NOTCH2: variants seen among roughly 807,000 people sequenced by gnomAD.
NOTCH2 encodes notch receptor 2, also known as neurogenic locus notch homolog protein 2.
NOTCH2 carries 29 observed loss-of-function variants against 235.8 expected under a neutral mutation model. The ratio of observed to expected loss-of-function variants is 0.12; its 90% CI spans 0.09 to 0.17. The LOEUF (loss-of-function observed/expected upper bound fraction) is 0.17. NOTCH2 is among the 10% of genes least tolerant of loss of function. The probability of loss-of-function intolerance (pLI) is 1.00; values close to 1 mark genes in which losing one functional copy is unlikely to be tolerated. For synonymous variants in NOTCH2, 1,086 were observed against 1,141.5 expected (o/e 0.95, Z 0.98); for missense variants, 2,285 against 3,150.2 (o/e 0.73, Z 6.57).
rs1409506128 is a variant in NOTCH2, at chr1:119,922,730, T to C, written c.4908A>G (p.Ser1636=). Residue 1636 remains serine (S), a synonymous_variant, in exon 27 of 34, where the codon TCA becomes TCG. Coordinates refer to ENST00000256646, the MANE Select transcript of NOTCH2 (RefSeq NM_024408.4). ...CATCCGTGTTCTTGAAGCAGTGGTC[T>C]GAGTCTTGAACACACTGGCGGTTGT... ...EIDNRQCVQD[S]DHCFKNTDAA... 2 of 1,614,094 alleles carry C rather than the reference T, an allele frequency of 1.2e-6. No homozygotes were observed. The highest frequency in any genetic ancestry group is 2.7e-5 in the African/African-American group (2 of 74,932).
At chr1:119,941,411 G>A in intron 18 of NOTCH2, 115 bp downstream of exon 18, 2 of 748,456 alleles carry the variant, frequency 2.7e-6, no homozygotes, top group Non-Finnish European at 4.8e-6. Flanking sequence ...TGTGGACTGG[G>A]ATCCATGTGG....
At chr1:120,007,103 G>A (rs1327924032) in intron 2 of NOTCH2, among the ~76,000 whole-genome samples, 3 of 152,126 alleles carry the variant, frequency 2.0e-5, no homozygotes, top group Non-Finnish European at 4.4e-5. Context: ...GCAAGGAGCG[G>A]CTAAGGCTCT....
chr1:119,936,819 G>A (rs587755539), intron 21 of NOTCH2, among the ~76,000 whole-genome samples: 5 of 152,066 alleles, frequency 3.3e-5, no homozygotes, highest in African/African-American at 7.2e-5. Context: ...TACATGTAAC[G>A]TTTAGCATGA....
chr1:120,008,882 C>A (rs1653075593), intron 2 of NOTCH2, among the ~76,000 whole-genome samples: 1 of 151,964 alleles, frequency 6.6e-6, no homozygotes, highest in South Asian at 2.1e-4. Flanking sequence ...AACAAAATTA[C>A]TAAGTAAAAG....
At chr1:119,958,115 T>C (rs1023431167) in intron 12 of NOTCH2, among the ~76,000 whole-genome samples, 1 of 152,236 alleles carries the variant, frequency 6.6e-6, no homozygotes, top group African/African-American at 2.4e-5. Context: ...TATTACCCAC[T>C]TATCAACAAT....
chr1:119,999,321 T>C (rs1652617125), intron 3 of NOTCH2, among the ~76,000 whole-genome samples: 1 of 147,194 alleles, frequency 6.8e-6, no homozygotes, highest in South Asian at 2.2e-4. Flanking sequence ...AGTTTTTCTA[T>C]AAGGGAAAAA....
At chr1:120,046,142 A>G (rs1654779997) in intron 1 of NOTCH2, among the ~76,000 whole-genome samples, 1 of 142,218 alleles carries the variant, frequency 7.0e-6, no homozygotes, top group Non-Finnish European at 1.5e-5. Context: ...AGTAGGATAC[A>G]TATGCGCTCA....
At chr1:119,972,187 G>C (rs1429087620) in intron 5 of NOTCH2, among the ~76,000 whole-genome samples, 3 of 152,080 alleles carry the variant, frequency 2.0e-5, no homozygotes, top group African/African-American at 7.2e-5. Context: ...GAGAGTGAAG[G>C]AGGGAGGGAG....
At chr1:119,941,230 G>T (rs1250813443) in intron 18 of NOTCH2, among the ~76,000 whole-genome samples, 1 of 152,132 alleles carries the variant, frequency 6.6e-6, no homozygotes, top group South Asian at 2.1e-4. Context: ...TGGAATTTTT[G>T]GATTTTTGAA....
chr1:119,954,412 A>C (rs1332767200), intron 13 of NOTCH2, among the ~76,000 whole-genome samples: 1 of 152,220 alleles, frequency 6.6e-6, no homozygotes, highest in East Asian at 1.9e-4. Flanking sequence ...TTGCCACTAA[A>C]CACTCTTTAT....
chr1:119,945,029 T>G (rs189362949), intron 17 of NOTCH2, among the ~76,000 whole-genome samples: 1 of 152,318 alleles, frequency 6.6e-6, no homozygotes, highest in Non-Finnish European at 1.5e-5. Context: ...TTTAATTACA[T>G]ATTTGATGGG....
chr1:119,922,564 C>T (rs2101155515), intron 27 of NOTCH2, 72 bp downstream of exon 27: 2 of 1,609,332 alleles, frequency 1.2e-6, no homozygotes, highest in Non-Finnish European at 1.7e-6. Flanking sequence ...TAGAGGGCTA[C>T]ATAATGAAAA....
At chr1:119,971,474 G>A (rs1553200352) in intron 5 of NOTCH2, among the ~76,000 whole-genome samples, 1 of 152,158 alleles carries the variant, frequency 6.6e-6, no homozygotes, top group Admixed American at 6.5e-5. Context: ...TTGCCACATA[G>A]ACCAAAAAGA....
At chr1:119,921,605 G>A (rs960820142) in intron 29 of NOTCH2, 108 bp downstream of exon 29, 16 of 895,876 alleles carry the variant, frequency 1.8e-5, no homozygotes, top group Non-Finnish European at 2.4e-5. Flanking sequence ...AAGACATCAA[G>A]ACTATCACTC....
chr1:120,028,976 C>A (rs1570762415), intron 2 of NOTCH2, among the ~76,000 whole-genome samples: 1 of 151,574 alleles, frequency 6.6e-6, no homozygotes, highest in Admixed American at 6.6e-5. Context: ...CTCAAACAAA[C>A]AAAACGTCTT....
chr1:119,940,087 G>C (rs904846012), intron 19 of NOTCH2, among the ~76,000 whole-genome samples: 19 of 152,152 alleles, frequency 1.2e-4, no homozygotes, highest in African/African-American at 4.6e-4. Context: ...TAATGGAAGT[G>C]TGTATTTACA....
intron 25 of NOTCH2, 91 bp from the exon 26 acceptor site, chr1:119,924,075 C>T (rs1649379707): frequency 6.0e-6 from 7 of 1,160,860 alleles, no homozygotes; most frequent in Admixed American, 3.9e-5. Context: ...GTGGATTTTC[C>T]TACCCATTTT....
At chr1:119,987,211 G>A in intron 4 of NOTCH2, 129 bp from the exon 5 acceptor site, 1 of 1,057,620 alleles carries the variant, frequency 9.5e-7, no homozygotes, top group South Asian at 1.3e-5. Flanking sequence ...GCTCACCCAG[G>A]ACTCACCATA....
chr1:119,956,819 C>T (rs782119703), intron 12 of NOTCH2, among the ~76,000 whole-genome samples: 16 of 152,328 alleles, frequency 1.1e-4, no homozygotes, highest in South Asian at 1.0e-3. Context: ...TTCAAGCCAT[C>T]TTTATCTGAA....
Sources: allele counts gnomAD v4.1 joint callset (sites outside exome capture counted in the v4.1 genomes callset), GRCh38; gene constraint gnomAD v4.1.1; transcripts MANE v1.5; gene names NCBI Gene and HGNC (gene_info 2026-07-23, HGNC 2026-07-21).